Variants in TRRAP observed in about 807,000 individuals in gnomAD.
TRRAP encodes transformation/transcription domain associated protein.
A neutral mutation model predicts 438.8 loss-of-function variants in TRRAP; 41 were observed. That is an observed-to-expected ratio of 0.09 (90% CI 0.07 to 0.12). The LOEUF (loss-of-function observed/expected upper bound fraction) is 0.12. TRRAP is among the 10% of genes least tolerant of loss of function. The pLI is 1.00. For synonymous variants in TRRAP, 1,994 were observed against 1,962.9 expected (o/e 1.02, Z -0.42); for missense variants, 3,122 against 5,055.1 (o/e 0.62, Z 11.60).
intron 70 of TRRAP, among the ~76,000 whole-genome samples, chr7:99,010,390 C>T (rs989851961): frequency 6.6e-6 from 1 of 152,190 alleles, no homozygotes; most frequent in African/African-American, 2.4e-5. Context: ...AAACAAACTG[C>T]ATGTGTCGCC....
At chr7:98,947,074 C>T (rs1437566144) in intron 33 of TRRAP, among the ~76,000 whole-genome samples, 4 of 152,248 alleles carry the variant, frequency 2.6e-5, no homozygotes, top group Non-Finnish European at 4.4e-5. Context: ...CTTCCTGATC[C>T]GTGCTATCAT....
At chr7:98,934,646 A>G (rs189979239) in intron 27 of TRRAP, among the ~76,000 whole-genome samples, 1 of 152,256 alleles carries the variant, frequency 6.6e-6, no homozygotes, top group Non-Finnish European at 1.5e-5. Flanking sequence ...TTCCTTGGAG[A>G]TTCAGGTTCA....
intron 64 of TRRAP, 141 bp downstream of exon 64, chr7:98,990,760 ATAT>A: frequency 2.3e-6 from 2 of 882,394 alleles, no homozygotes; most frequent in Non-Finnish European, 3.3e-6. Flanking sequence ...AATCATGTAG[ATAT>A]TATTTAATAT....
intron 67 of TRRAP, among the ~76,000 whole-genome samples, chr7:98,995,085 G>T (rs1793588507): frequency 6.6e-6 from 1 of 152,228 alleles, no homozygotes; most frequent in African/African-American, 2.4e-5. Context: ...GGTAGAAAAT[G>T]CATGGTTTCA....
chr7:98,985,187 C>T, intron 62 of TRRAP, 143 bp downstream of exon 62: 1 of 576,002 alleles, frequency 1.7e-6, no homozygotes, highest in Non-Finnish European at 3.1e-6. Context: ...TTAGGTACTG[C>T]ACCTCTGCAA....
intron 40 of TRRAP, among the ~76,000 whole-genome samples, chr7:98,954,124 C>T (rs547694676): frequency 1.3e-5 from 2 of 152,288 alleles, no homozygotes; most frequent in East Asian, 3.9e-4. Flanking sequence ...TGGTATTGAG[C>T]GCCTCTTCCT....
chr7:98,889,045 C>CTTTTTTTT (rs11326725), intron 3 of TRRAP, among the ~76,000 whole-genome samples: 2 of 82,436 alleles, frequency 2.4e-5, no homozygotes, highest in Non-Finnish European at 4.9e-5. Flanking sequence ...CAAAACTTTA[C>CTTTTTTTT]TTTTTTTTTT....
chr7:98,980,620 A>G (rs1025669645), intron 58 of TRRAP, among the ~76,000 whole-genome samples: 3 of 152,200 alleles, frequency 2.0e-5, no homozygotes, highest in Non-Finnish European at 4.4e-5. Flanking sequence ...TCTGGGGGAC[A>G]TTTTATAGTA....
intron 18 of TRRAP, among the ~76,000 whole-genome samples, chr7:98,914,490 C>T (rs141724112): frequency 6.6e-6 from 1 of 151,658 alleles, no homozygotes; most frequent in African/African-American, 2.4e-5. Context: ...TTTTTGCCAG[C>T]ATTAGATATG....
In TRRAP at chr7:99,012,551, T is replaced by G; in HGVS notation, c.*196T>G. On this transcript the variant is annotated 3_prime_UTR_variant, in exon 73 of 73. Transcript: ENST00000456197. The surrounding 1 kb of genome is among the most constrained non-coding windows in gnomAD (Gnocchi z 5.9). ...AGAGGAAGCTGAACTATGACGATGC[T>G]GGGCGAAGCGGTTGGAAATGGCAGA... 1 of 671,070 alleles carries G rather than the reference T, an allele frequency of 1.5e-6. No individual in the cohort carries two copies. The highest frequency in any genetic ancestry group is 2.3e-5 in the South Asian group (1 of 43,102). 41.6% of individuals were successfully genotyped at this position (671,070 alleles called of 1,614,324 possible).
intron 63 of TRRAP, 56 bp from the exon 64 acceptor site, chr7:98,990,399 T>C (rs887770648): frequency 2.5e-6 from 4 of 1,587,984 alleles, no homozygotes; most frequent in Admixed American, 3.4e-5. Context: ...AAAAAGTCTC[T>C]TGCTTGAGGG....
At chr7:98,899,215 AT>A (rs1474011819) in intron 8 of TRRAP, among the ~76,000 whole-genome samples, 1 of 152,178 alleles carries the variant, frequency 6.6e-6, no homozygotes, top group East Asian at 1.9e-4. Flanking sequence ...TTCATATTGA[AT>A]TGTATTAAAT....
At chr7:98,915,926 TGTCATGTA>T in intron 19 of TRRAP, 38 bp downstream of exon 19, 5 of 1,611,580 alleles carry the variant, frequency 3.1e-6, no homozygotes, top group Non-Finnish European at 4.2e-6. Flanking sequence ...TAGTCTTGTG[TGTCATGTA>T]GTCATGTGTC....
chr7:98,885,811 CAGG>C (rs1482839815), intron 3 of TRRAP, among the ~76,000 whole-genome samples: 1 of 152,186 alleles, frequency 6.6e-6, no homozygotes, highest in African/African-American at 2.4e-5. Flanking sequence ...TGTGAACCTG[CAGG>C]AACAAGCCAG....
At position 98,908,177 on chromosome 7, in the gene TRRAP, A is replaced by G. The variant is rs1417064626; in HGVS notation, c.1116-551A>G. On this transcript the variant is annotated intron_variant, in intron 13 of 72. Coordinates refer to ENST00000456197, the MANE Select transcript of TRRAP (RefSeq NM_001375524.1). The surrounding 1 kb of genome is among the most constrained non-coding windows in gnomAD (Gnocchi z 4.1). ...TTCACATCCCCGCTAGCACTTACTA[A>G]CTTGTGTAGCTTATTTCTTTACTTG... 6.6e-6 allele frequency among the ~76,000 whole-genome samples: 1 copy of G among 152,136 alleles called. No individual in the cohort carries two copies. Among genetic ancestry groups the G allele is most frequent in the Non-Finnish European group, 1.5e-5 (1 of 68,006 alleles).
intron 19 of TRRAP, among the ~76,000 whole-genome samples, chr7:98,916,811 G>T (rs149668838): frequency 0.02 from 3,047 of 152,252 alleles, 51 homozygotes; most frequent in Non-Finnish European, 0.029. Context: ...CTTTGGATTT[G>T]GGACCTGGTT....
chr7:98,883,478 T>A (rs1795554405), intron 3 of TRRAP, among the ~76,000 whole-genome samples: 1 of 152,192 alleles, frequency 6.6e-6, no homozygotes, highest in Non-Finnish European at 1.5e-5. Context: ...GAAGGTCAAT[T>A]TCTATTGGCT....
chr7:98,987,272 A>G (rs1452671624), intron 62 of TRRAP, among the ~76,000 whole-genome samples: 1 of 152,236 alleles, frequency 6.6e-6, no homozygotes, highest in Non-Finnish European at 1.5e-5. Context: ...AGTTGGAATT[A>G]CGACAGAGAT....
In TRRAP at chr7:98,955,290, G is replaced by C; in HGVS notation, c.5923G>C (p.Val1975Leu). The C allele has an allele frequency of 1.2e-6, 2 of 1,613,440 alleles. No individual in the cohort carries two copies. The highest frequency in any genetic ancestry group is 1.3e-5 in the African/African-American group (1 of 75,046). Residue 1975 changes from valine to leucine, a missense_variant, in exon 41 of 73, where the codon GTG becomes CTG. By Grantham distance (32) the Val-to-Leu change is conservative. Coordinates refer to ENST00000456197, the MANE Select transcript of TRRAP (RefSeq NM_001375524.1). ...PQLVHILHLIVQHFKVYYPVR... is the reference protein window; with the variant it reads ...PQLVHILHLILQHFKVYYPVR... ...GCTGGTCCACATTCTGCACCTGATA[G>C]TGCAACACTTCAAGGTGTGTAGGAG... is the stretch of plus-strand genomic sequence containing the variant.
Sources: allele counts gnomAD v4.1 joint callset (sites outside exome capture counted in the v4.1 genomes callset), GRCh38; gene constraint gnomAD v4.1.1; non-coding constraint Gnocchi (gnomAD v3.1); transcripts MANE v1.5; gene names NCBI Gene and HGNC (gene_info 2026-07-23, HGNC 2026-07-21).